The following RBFOX3 variants were observed in gnomAD, a reference collection of about 807,000 sequenced individuals.
RBFOX3 encodes the protein RNA binding protein fox-1 homolog 3.
RBFOX3 carries 17 observed loss-of-function variants against 48.7 expected under a neutral mutation model. The observed-to-expected ratio is 0.35, with a 90% CI of 0.24 to 0.52. RBFOX3 has a LOEUF of 0.52. RBFOX3 is among the 20% of genes least tolerant of loss of function. The pLI, the probability that RBFOX3 is intolerant of heterozygous loss-of-function variation, is 0.94. For missense variants in RBFOX3, 382 were observed against 497.5 expected (o/e 0.77, Z 2.21); for synonymous variants, 212 against 209.5 (o/e 1.01, Z -0.10).
chr17:79,381,346 C>T (rs544067178), intron 2 of RBFOX3, among the ~76,000 whole-genome samples: 9 of 152,074 alleles, frequency 5.9e-5, no homozygotes, highest in South Asian at 4.1e-4. Flanking sequence ...ATTGTCAGGT[C>T]GACATGTGAT....
At chr17:79,469,710 G>T (rs2076820797) in intron 2 of RBFOX3, among the ~76,000 whole-genome samples, 1 of 152,184 alleles carries the variant, frequency 6.6e-6, no homozygotes, top group South Asian at 2.1e-4. Flanking sequence ...CCAGGATGGG[G>T]TGATCTGAGC....
chr17:79,309,165 A>G (rs1056245427), intron 2 of RBFOX3, among the ~76,000 whole-genome samples: 1 of 151,936 alleles, frequency 6.6e-6, no homozygotes, highest in African/African-American at 2.4e-5. Context: ...ACATCTTGTT[A>G]TAGCAGCCCC....
chr17:79,116,680 A>G (rs1161409721), intron 4 of RBFOX3, among the ~76,000 whole-genome samples: 1 of 152,222 alleles, frequency 6.6e-6, no homozygotes, highest in Non-Finnish European at 1.5e-5. Context: ...GTCGGGGGGC[A>G]GGGAGGGTTC....
At position 79,391,697 on chromosome 17, in the gene RBFOX3, C is replaced by T. The variant is rs1261255196; in HGVS notation, c.-174-83873G>A. Among the ~76,000 whole-genome samples, 1 of 152,104 alleles carries T rather than the reference C, an allele frequency of 6.6e-6. No individual in the cohort carries two copies. Among genetic ancestry groups the T allele is most frequent in the Non-Finnish European group, 1.5e-5 (1 of 68,018 alleles). On this transcript the variant is annotated intron_variant, in intron 2 of 14. Coordinates refer to ENST00000693108, the MANE Select transcript of RBFOX3 (RefSeq NM_001350451.2). The surrounding 1 kb of genome is among the most constrained non-coding windows in gnomAD (Gnocchi z 5.0). ...CTGCCTGTGCATCCACATATATGTG[C>T]GTGTGAGCGTGTGTGGGCACAGGAA...
chr17:79,523,052 T>G (rs917996131), intron 1 of RBFOX3, among the ~76,000 whole-genome samples: 1 of 151,622 alleles, frequency 6.6e-6, no homozygotes, highest in Non-Finnish European at 1.5e-5. Flanking sequence ...ATCCCGTAGA[T>G]TCCACTGATT....
the RBFOX3 span, among the ~76,000 whole-genome samples, chr17:79,658,021 T>C: frequency 2.2e-4 from 33 of 152,146 alleles, no homozygotes; most frequent in African/African-American, 8.0e-4. Flanking sequence ...CTGAGAACAG[T>C]CTGTTCTTCT....
rs2086539995 is a variant in RBFOX3, at chr17:79,362,397, G to C, written c.-174-54573C>G. Among the ~76,000 whole-genome samples, 1 of 152,114 alleles carries C rather than the reference G, an allele frequency of 6.6e-6. No individual in the cohort carries two copies. The highest frequency in any genetic ancestry group is 2.1e-4 in the South Asian group (1 of 4,828). ...GTGCAGCGTCTTTCAGAGCCAAACA[G>C]AGCCCCAGCTCTGAGGCATGGGGAG... On this transcript the variant is annotated intron_variant, in intron 2 of 14. Transcript: ENST00000693108. This position sits in a 1 kb window ranked among gnomAD's most constrained non-coding sequence, Gnocchi z 4.2.
intron 4 of RBFOX3, among the ~76,000 whole-genome samples, chr17:79,175,986 C>G (rs1402422639): frequency 6.6e-6 from 1 of 152,200 alleles, no homozygotes; most frequent in Non-Finnish European, 1.5e-5. Context: ...TGCTTGTCAC[C>G]CTGGGGACCA....
chr17:79,460,185 T>C (rs1407186146), intron 2 of RBFOX3, among the ~76,000 whole-genome samples: 2 of 152,158 alleles, frequency 1.3e-5, no homozygotes, highest in African/African-American at 2.4e-5. Context: ...CAGATGATGG[T>C]TGCACAATAT....
At chr17:79,461,067 G>A (rs1353960677) in intron 2 of RBFOX3, among the ~76,000 whole-genome samples, 1 of 152,146 alleles carries the variant, frequency 6.6e-6, no homozygotes, top group Non-Finnish European at 1.5e-5. Flanking sequence ...CAAAGTGTTT[G>A]TTCTGCCTCA....
intron 2 of RBFOX3, among the ~76,000 whole-genome samples, chr17:79,328,785 C>A (rs77464791): frequency 2.6e-5 from 4 of 152,296 alleles, no homozygotes; most frequent in Middle Eastern, 3.4e-3. Flanking sequence ...GATGAATGGC[C>A]GTTTCCTGCA....
chr17:79,290,090 C>T (rs1300028974), intron 3 of RBFOX3, among the ~76,000 whole-genome samples: 1 of 152,036 alleles, frequency 6.6e-6, no homozygotes, highest in Non-Finnish European at 1.5e-5. Flanking sequence ...GCACTGGAAG[C>T]TCCTTGGAGG....
At chr17:79,339,962 T>G (rs562953598) in intron 2 of RBFOX3, among the ~76,000 whole-genome samples, 12 of 152,286 alleles carry the variant, frequency 7.9e-5, no homozygotes, top group African/African-American at 2.6e-4. Flanking sequence ...TGCCCCCTGT[T>G]CTCCCTCTGT....
intron 1 of RBFOX3, among the ~76,000 whole-genome samples, chr17:79,536,556 G>T (rs2088790695): frequency 1.3e-5 from 2 of 152,266 alleles, no homozygotes; most frequent in Non-Finnish European, 2.9e-5. Flanking sequence ...CCCGTCAACG[G>T]TGATCCATTG....
intron 2 of RBFOX3, among the ~76,000 whole-genome samples, chr17:79,340,897 C>G (rs1006188600): frequency 1.2e-4 from 18 of 152,158 alleles, no homozygotes; most frequent in Admixed American, 2.6e-4. Flanking sequence ...CCAAACACCA[C>G]CCCTTCCTGT....
At chr17:79,228,257 C>T (rs76920688) in intron 4 of RBFOX3, among the ~76,000 whole-genome samples, 2,045 of 152,236 alleles carry the variant, frequency 0.013, 36 homozygotes, top group African/African-American at 0.046. Flanking sequence ...CAAAGCTGTC[C>T]GCTCCGGAGC....
Position 79,364,107 on chromosome 17 carries a change from G to A in RBFOX3, c.-174-56283C>T, listed in dbSNP as rs1489334797. 3.3e-5 allele frequency among the ~76,000 whole-genome samples: 5 copies of A among 152,180 alleles called. No homozygotes were observed. The highest frequency in any genetic ancestry group is 1.2e-4 in the African/African-American group (5 of 41,440). ...ACCCCATGGATTTTCGGGACAGCAC[G>A]CACCACTCTGGGACCATTCACTCAG... is the stretch of plus-strand genomic sequence containing the variant. On this transcript the variant is annotated intron_variant, in intron 2 of 14. Transcript: ENST00000693108. This position sits in a 1 kb window ranked among gnomAD's most constrained non-coding sequence, Gnocchi z 5.1.
the RBFOX3 span, among the ~76,000 whole-genome samples, chr17:79,648,616 G>A: frequency 7.2e-5 from 11 of 152,228 alleles, no homozygotes; most frequent in East Asian, 3.8e-4. Flanking sequence ...CCTCTGCCTC[G>A]TTGGGGCCGA....
chr17:79,219,207 T>C (rs1600077182), intron 4 of RBFOX3, among the ~76,000 whole-genome samples: 1 of 152,196 alleles, frequency 6.6e-6, no homozygotes, highest in African/African-American at 2.4e-5. Flanking sequence ...TGGGAAGGGG[T>C]ACCCGGATGT....
Sources: allele counts gnomAD v4.1 joint callset (sites outside exome capture counted in the v4.1 genomes callset), GRCh38; gene constraint gnomAD v4.1.1; non-coding constraint Gnocchi (gnomAD v3.1); transcripts MANE v1.5; gene names NCBI Gene and HGNC (gene_info 2026-07-23, HGNC 2026-07-21).